Variants in PTPN5 observed in about 807,000 individuals in gnomAD.
PTPN5 encodes the protein tyrosine-protein phosphatase non-receptor type 5.
In PTPN5, 29 loss-of-function variants were observed where a neutral mutation model predicts 73.9. That is an observed-to-expected ratio of 0.39 (90% CI 0.29 to 0.54). The LOEUF (loss-of-function observed/expected upper bound fraction) is 0.54, where lower values mean the gene tolerates loss of function less well. Ranked by LOEUF, PTPN5 falls within the 20% of genes least tolerant of loss-of-function variation. PTPN5 has a pLI of 0.65. For missense variants in PTPN5, 652 were observed against 751.4 expected, an observed-to-expected ratio of 0.87 and a Z score of 1.55; for synonymous variants, 267 against 304.7, an observed-to-expected ratio of 0.88 and a Z score of 1.29.
intron 1 of PTPN5, among the ~76,000 whole-genome samples, chr11:18,786,344 AGGCGCCTGCCAC>A (rs1851668970): frequency 1.3e-5 from 2 of 152,108 alleles, no homozygotes; most frequent in African/African-American, 4.8e-5. Flanking sequence ...CTGGGACTAC[AGGCGCCTGCCAC>A]GGCGCCTGGC....
intron 2 of PTPN5, among the ~76,000 whole-genome samples, chr11:18,771,518 C>A (rs868038037): frequency 1.3e-5 from 2 of 152,192 alleles, no homozygotes; most frequent in Middle Eastern, 3.2e-3. Flanking sequence ...TGTGTATGCA[C>A]CTGCCTCTCC....
intron 8 of PTPN5, among the ~76,000 whole-genome samples, chr11:18,739,263 A>T (rs538214259): frequency 4.8e-4 from 73 of 152,230 alleles, no homozygotes; most frequent in Non-Finnish European, 9.1e-4. Flanking sequence ...CTCAACAAAG[A>T]CCCACCGGAC....
intron 1 of PTPN5, among the ~76,000 whole-genome samples, chr11:18,778,048 C>G (rs185679258): frequency 6.6e-6 from 1 of 152,052 alleles, no homozygotes; most frequent in East Asian, 1.9e-4. Context: ...GTGCCCTCTG[C>G]CAATTTTCAT....
intron 9 of PTPN5, among the ~76,000 whole-genome samples, chr11:18,737,167 G>A (rs1329354686): frequency 1.3e-5 from 2 of 152,186 alleles, no homozygotes; most frequent in South Asian, 4.1e-4. Flanking sequence ...AGAACTTGGC[G>A]AGGGTGGCAG....
chr11:18,769,176 C>A (rs537085576), intron 2 of PTPN5, among the ~76,000 whole-genome samples: 1 of 152,314 alleles, frequency 6.6e-6, no homozygotes, highest in South Asian at 2.1e-4. Flanking sequence ...GTGAGCAAGG[C>A]CTGGAGCTGC....
chr11:18,770,910 A>C (rs752895436), intron 2 of PTPN5, among the ~76,000 whole-genome samples: 1 of 152,036 alleles, frequency 6.6e-6, no homozygotes, highest in Non-Finnish European at 1.5e-5. Flanking sequence ...GTTCTAACAA[A>C]GGCACCGCCC....
At chr11:18,775,399 C>T (rs1224247780) in intron 1 of PTPN5, among the ~76,000 whole-genome samples, 2 of 152,196 alleles carry the variant, frequency 1.3e-5, no homozygotes, top group Non-Finnish European at 2.9e-5. Flanking sequence ...GGTGAAGTGA[C>T]CCAAGCAAAC....
At chr11:18,739,455 G>A (rs11024779) in intron 8 of PTPN5, among the ~76,000 whole-genome samples, 13,296 of 152,268 alleles carry the variant, frequency 0.087, 774 homozygotes, top group Non-Finnish European at 0.13. Context: ...AGTTTGAAGT[G>A]GACAGTCCCT....
Position 18,740,708 on chromosome 11 carries a change from A to T in PTPN5, c.810T>A (p.Arg270=), listed in dbSNP as rs778568276. 3 of 1,607,548 alleles carry T rather than the reference A, an allele frequency of 1.9e-6. No homozygotes were observed. In the African/African-American group the frequency reaches 4.0e-5, roughly 22 times the overall value. ...GCAGGTACTCGCGGGCGGACTCCTCACGTGGGGACATGAGATAGCCAAAGC... is the reference window on the plus strand; with the variant it reads ...GCAGGTACTCGCGGGCGGACTCCTCTCGTGGGGACATGAGATAGCCAAAGC... ...EEGFGYLMSP[R]EESAREYLLS... The change falls in exon 8 of 15, where the codon CGT becomes CGA. Residue 270 remains arginine (R), a synonymous_variant. Transcript: ENST00000358540.
intron 2 of PTPN5, among the ~76,000 whole-genome samples, chr11:18,770,629 C>G (rs1189838773): frequency 4.6e-5 from 7 of 152,222 alleles, no homozygotes; most frequent in Non-Finnish European, 1.0e-4. Context: ...CCACTCTCCT[C>G]CCATCACGCT....
chr11:18,753,331 C>A (rs1849978593), intron 3 of PTPN5, among the ~76,000 whole-genome samples: 1 of 152,218 alleles, frequency 6.6e-6, no homozygotes, highest in Non-Finnish European at 1.5e-5. Flanking sequence ...CTCACTACCT[C>A]AGGGGGCCTT....
At chr11:18,769,938 G>C (rs1850802783) in intron 2 of PTPN5, among the ~76,000 whole-genome samples, 1 of 152,090 alleles carries the variant, frequency 6.6e-6, no homozygotes, top group Admixed American at 6.5e-5. Context: ...GGGGTGGCGG[G>C]GGAAGCCCTC....
chr11:18,739,520 GT>G (rs1181086715), intron 8 of PTPN5, among the ~76,000 whole-genome samples: 1 of 152,228 alleles, frequency 6.6e-6, no homozygotes, highest in Non-Finnish European at 1.5e-5. Flanking sequence ...GCCACACGAG[GT>G]AAGGGGTGCT....
rs1272631993 is a variant in PTPN5, at chr11:18,743,107, G to A, written c.400-32C>T. ...AACATCAGATAAACAGGTCAGGGTG[G>A]TGGTGGGGGCAGAGTTCTCAGCTCT... On this transcript the variant is annotated intron_variant, in intron 5 of 14. Transcript: ENST00000358540. The A allele has an allele frequency of 7.5e-6, 11 of 1,458,368 alleles. 1 individual carries two copies. The East Asian group carries it at 2.7e-4, about 36-fold the overall frequency. The allele number at this position is 1,458,368 out of a possible 1,614,324, so 90.3% of individuals were successfully genotyped here. A position where few individuals can be genotyped will look rare whatever the true frequency, so the allele number is the denominator to read the frequency against.
intron 3 of PTPN5, among the ~76,000 whole-genome samples, chr11:18,750,421 C>A (rs1468680564): frequency 6.6e-6 from 1 of 152,182 alleles, no homozygotes; most frequent in Non-Finnish European, 1.5e-5. Flanking sequence ...ACCAGGCATT[C>A]TGCCCGCCAC....
Position 18,728,703 on chromosome 11 carries a change from C to A in PTPN5, c.*231G>T, listed in dbSNP as rs1848733620. ...GCGTGGTGTGGGTCAGGCCCCGGGG[C>A]CCCAGGCCTGGCCTGGCATGTCCCT... is the stretch of plus-strand genomic sequence containing the variant. On this transcript the variant is annotated 3_prime_UTR_variant, in exon 15 of 15. Coordinates refer to ENST00000358540, the MANE Select transcript of PTPN5 (RefSeq NM_006906.2). The surrounding 1 kb of genome is among the most constrained non-coding windows in gnomAD (Gnocchi z 4.1). 1 of 476,772 alleles carries A rather than the reference C, an allele frequency of 2.1e-6. No individual in the cohort carries two copies. The highest frequency in any genetic ancestry group is 3.8e-5 in the East Asian group (1 of 26,640). 29.5% of individuals were successfully genotyped at this position (476,772 alleles called of 1,614,324 possible).
intron 3 of PTPN5, among the ~76,000 whole-genome samples, chr11:18,746,008 T>G (rs1849601413): frequency 6.6e-6 from 1 of 151,746 alleles, no homozygotes; most frequent in Non-Finnish European, 1.5e-5. Flanking sequence ...TCCTCATGTC[T>G]ACAGCATGTA....
intron 2 of PTPN5, among the ~76,000 whole-genome samples, chr11:18,770,047 T>C (rs1161048301): frequency 1.3e-5 from 2 of 151,968 alleles, no homozygotes; most frequent in Non-Finnish European, 2.9e-5. Context: ...TAACACGAAG[T>C]GGGGGAGCAG....
At chr11:18,755,576 G>A (rs1371937891) in intron 3 of PTPN5, among the ~76,000 whole-genome samples, 6 of 82,094 alleles carry the variant, frequency 7.3e-5, no homozygotes, top group East Asian at 5.3e-4. Context: ...CCCACTGGGA[G>A]GCTAACTCAA....
Sources: allele counts gnomAD v4.1 joint callset (sites outside exome capture counted in the v4.1 genomes callset), GRCh38; gene constraint gnomAD v4.1.1; non-coding constraint Gnocchi (gnomAD v3.1); transcripts MANE v1.5; gene names NCBI Gene and HGNC (gene_info 2026-07-23, HGNC 2026-07-21).